The following PRC1 variants were observed in gnomAD, a reference collection of about 807,000 sequenced individuals.
PRC1 encodes the protein protein regulator of cytokinesis 1.
PRC1 carries 54 observed loss-of-function variants against 91.2 expected under a neutral mutation model. The observed-to-expected ratio is 0.59, with a 90% confidence interval of 0.48 to 0.74. The LOEUF (loss-of-function observed/expected upper bound fraction) is 0.74. Among genes scored for constraint, PRC1 ranks in the 30% least tolerant of loss-of-function variants. The pLI is 0.00. For missense variants in PRC1, 727 were observed against 746.2 expected, an observed-to-expected ratio of 0.97 and a Z score of 0.30; for synonymous variants, 275 against 263.6, an observed-to-expected ratio of 1.04 and a Z score of -0.42.
intron 1 of PRC1, among the ~76,000 whole-genome samples, chr15:90,986,383 CT>C (rs1309172833): frequency 6.6e-6 from 1 of 152,210 alleles, no homozygotes; most frequent in Non-Finnish European, 1.5e-5. Flanking sequence ...AATTCCAGGA[CT>C]CTGGGAGGCC....
At chr15:90,968,970 T>G in intron 14 of PRC1, 109 bp downstream of exon 14, 1 of 1,563,958 alleles carries the variant, frequency 6.4e-7, no homozygotes, top group Non-Finnish European at 8.7e-7. Context: ...CTGCTTCCTT[T>G]GTAACACTGC....
intron 1 of PRC1, among the ~76,000 whole-genome samples, chr15:90,985,143 G>C (rs2039487774): frequency 6.6e-6 from 1 of 151,690 alleles, no homozygotes; most frequent in South Asian, 2.1e-4. Context: ...AAAGATGTTG[G>C]TAAAATAAAC....
intron 7 of PRC1, among the ~76,000 whole-genome samples, chr15:90,979,706 T>A: frequency 6.6e-6 from 1 of 152,226 alleles, no homozygotes; most frequent in East Asian, 1.9e-4. Context: ...TCAACTGGAC[T>A]CCAGGAGTCA....
chr15:90,993,371 T>C (rs1004728599), intron 1 of PRC1, among the ~76,000 whole-genome samples: 2 of 152,014 alleles, frequency 1.3e-5, no homozygotes, highest in African/African-American at 4.8e-5. Context: ...CAGGGCCAGA[T>C]AATTTTTGTA....
At chr15:90,994,010 G>A (rs981775656) in intron 1 of PRC1, among the ~76,000 whole-genome samples, 1 of 152,214 alleles carries the variant, frequency 6.6e-6, no homozygotes, top group Non-Finnish European at 1.5e-5. Context: ...TTTACAACGA[G>A]TCATCTGCGC....
At chr15:90,989,176 TAGAACC>T (rs1257675079) in intron 1 of PRC1, among the ~76,000 whole-genome samples, 24 of 152,102 alleles carry the variant, frequency 1.6e-4, no homozygotes, top group Non-Finnish European at 2.4e-4. Context: ...CTAGAGGAAC[TAGAACC>T]CTCAGACACT....
Position 90,970,410 on chromosome 15 carries a change from G to A in PRC1, c.1566C>T (p.Gly522=). The A allele has an allele frequency of 1.2e-6, 2 of 1,601,570 alleles. No individual in the cohort carries two copies. Among genetic ancestry groups the A allele is most frequent in the East Asian group, 2.2e-5 (1 of 44,834 alleles). The stretch of plus-strand genomic sequence containing the variant: ...AGACACAGGGCATACTAACCTTGCT[G>A]CCAGAAGGAGGAAGTCGAGACACGG... The part of the protein sequence containing the change: ...HSPVSRLPPS[G]SKPVAASTCS... Residue 522 remains glycine (G), a synonymous_variant, in exon 12 of 15, where the codon GGC becomes GGT. Transcript: ENST00000394249.
In PRC1 at chr15:90,984,839, A is replaced by T; in HGVS notation, c.12-14T>A. On this transcript the variant is annotated splice_polypyrimidine_tract_variant and intron_variant, in intron 1 of 14. Transcript: ENST00000394249. The surrounding 1 kb of genome is among the most constrained non-coding windows in gnomAD (Gnocchi z 5.1). ...GCCAGCACCTCACTGAAAACCAAAA[A>T]CTAAGGCCTGTTAGTTACATCAGTC... 1 of 1,613,904 alleles carries T rather than the reference A, an allele frequency of 6.2e-7. No individual in the cohort carries two copies. The highest frequency in any genetic ancestry group is 2.2e-5 in the East Asian group (1 of 44,880).
At chr15:90,978,486 T>G (rs2038916546) in intron 8 of PRC1, among the ~76,000 whole-genome samples, 1 of 152,030 alleles carries the variant, frequency 6.6e-6, no homozygotes, top group Non-Finnish European at 1.5e-5. Context: ...GCGTGGTGGC[T>G]CACGCCTGTG....
intron 3 of PRC1, among the ~76,000 whole-genome samples, chr15:90,983,518 T>C (rs1040408890): frequency 7.9e-5 from 12 of 152,190 alleles, no homozygotes; most frequent in Admixed American, 6.5e-5. Flanking sequence ...TGCTCTGAAA[T>C]GGACTATGCA....
At chr15:90,981,334 G>C in intron 5 of PRC1, 165 bp downstream of exon 5, 1 of 836,080 alleles carries the variant, frequency 1.2e-6, no homozygotes, top group Non-Finnish European at 1.8e-6. Flanking sequence ...TTTTTTAACT[G>C]TTAAACAAAA....
intron 8 of PRC1, among the ~76,000 whole-genome samples, chr15:90,978,115 C>A (rs1463548948): frequency 2.0e-5 from 3 of 152,206 alleles, no homozygotes. Context: ...TCCATCTGTG[C>A]CCTACACACC....
intron 11 of PRC1, among the ~76,000 whole-genome samples, chr15:90,972,022 C>T (rs1043292777): frequency 1.3e-5 from 2 of 148,968 alleles, no homozygotes; most frequent in Non-Finnish European, 3.0e-5. Flanking sequence ...AGCGAGACTC[C>T]GTCTCAAAAA....
chr15:90,968,067 G>A (rs189490944), intron 14 of PRC1: 16 of 985,428 alleles, frequency 1.6e-5, no homozygotes, highest in East Asian at 2.3e-4. Flanking sequence ...TTAGTTTACC[G>A]GCTTTGGTGC....
In PRC1 at chr15:90,969,606, G is replaced by A. The variant is rs1244277424; in HGVS notation, c.1590C>T (p.Thr530=). Residue 530 remains threonine, a synonymous_variant, in exon 13 of 15, where the codon ACC becomes ACT. Coordinates refer to ENST00000394249, the MANE Select transcript of PRC1 (RefSeq NM_003981.4). ...TACGGGGTGTTTTCTTCCCTGAACA[G>A]GTGGAAGCAGCGACTGGCTGCAGAG... The part of the protein sequence containing the change: ...PSGSKPVAAS[T]CSGKKTPRTG... 12 of 1,598,780 alleles carry A rather than the reference G, an allele frequency of 7.5e-6. No individual in the cohort carries two copies. The highest frequency in any genetic ancestry group is 5.4e-5 in the African/African-American group (4 of 73,994).
intron 3 of PRC1, 82 bp from the exon 4 acceptor site, chr15:90,982,063 G>T (rs544222263): frequency 7.9e-7 from 1 of 1,268,850 alleles, no homozygotes; most frequent in South Asian, 1.3e-5. Flanking sequence ...AGAAGGCGTG[G>T]ATGACAGACT....
At position 90,974,328 on chromosome 15, in the gene PRC1, C is replaced by A; in HGVS notation, c.1351-82G>T. 7.8e-7 allele frequency: 1 copy of A among 1,275,386 alleles called. No homozygotes were observed. Among genetic ancestry groups the A allele is most frequent in the South Asian group, 1.2e-5 (1 of 81,334 alleles). The allele number at this position is 1,275,386 out of a possible 1,614,324, so 79.0% of individuals were successfully genotyped here. ...TGGCAACAGCAGCAGGGCCGGGAAT[C>A]TAGGCCCGTGTCTCTACAGCCAGAG... On this transcript the variant is annotated intron_variant, in intron 10 of 14. Coordinates refer to ENST00000394249, the MANE Select transcript of PRC1 (RefSeq NM_003981.4). The surrounding 1 kb of genome is among the most constrained non-coding windows in gnomAD (Gnocchi z 4.6).
intron 11 of PRC1, among the ~76,000 whole-genome samples, chr15:90,971,298 GTTT>G (rs1019677971): frequency 6.6e-5 from 10 of 152,128 alleles, no homozygotes; most frequent in African/African-American, 1.4e-4. Context: ...AGCTGTAAAT[GTTT>G]TTGAGATGGG....
intron 1 of PRC1, among the ~76,000 whole-genome samples, chr15:90,989,321 C>G (rs969968504): frequency 6.6e-6 from 1 of 151,762 alleles, no homozygotes; most frequent in Non-Finnish European, 1.5e-5. Context: ...GATCATAGCT[C>G]AACGCAGCCT....
Sources: allele counts gnomAD v4.1 joint callset (sites outside exome capture counted in the v4.1 genomes callset), GRCh38; gene constraint gnomAD v4.1.1; non-coding constraint Gnocchi (gnomAD v3.1); transcripts MANE v1.5; gene names NCBI Gene and HGNC (gene_info 2026-07-23, HGNC 2026-07-21).